TUSC3: variants seen among roughly 807,000 people sequenced by gnomAD.
TUSC3 encodes dolichyl-diphosphooligosaccharide--protein glycosyltransferase subunit TUSC3.
Under a neutral mutation model 44.8 loss-of-function variants are expected in TUSC3, and 45 were observed. The ratio of observed to expected loss-of-function variants is 1.00; its 90% CI spans 0.79 to 1.29. The LOEUF is 1.29. TUSC3 is among the 50% of genes most tolerant of loss of function. TUSC3 has a pLI of 0.00. For synonymous variants in TUSC3, 212 were observed against 152.9 expected (o/e 1.39, Z -2.85); for missense variants, 519 against 437.9 (o/e 1.19, Z -1.65).
chr8:15,461,970 G>T (rs755559668), intron 1 of TUSC3, among the ~76,000 whole-genome samples: 1 of 151,928 alleles, frequency 6.6e-6, no homozygotes, highest in African/African-American at 2.4e-5. Context: ...AAGTGCTTCT[G>T]GTGATGGAAC....
At position 15,702,165 on chromosome 8, in the gene TUSC3, T is replaced by C. The variant is rs375776499; in HGVS notation, c.798+28329T>C. ...ATGGGGCTTCCTTTTGTAGACTCTTTTTGTTTACTCTGGCATTTACTCTTA... is the reference window on the plus strand; with the variant it reads ...ATGGGGCTTCCTTTTGTAGACTCTTCTTGTTTACTCTGGCATTTACTCTTA... On this transcript the variant is annotated intron_variant, in intron 6 of 10. Transcript: ENST00000503731. Among the ~76,000 whole-genome samples the C allele has an allele frequency of 4.6e-5, 7 of 152,298 alleles. No homozygotes were observed. The East Asian group carries it at 1.2e-3, about 25-fold the overall frequency.
chr8:15,463,219 C>T (rs915204967), intron 1 of TUSC3, among the ~76,000 whole-genome samples: 21 of 152,148 alleles, frequency 1.4e-4, no homozygotes, highest in African/African-American at 5.1e-4. Context: ...TGATTTACTA[C>T]AAATTACTTA....
chr8:15,711,482 G>A (rs1809849582), intron 6 of TUSC3, among the ~76,000 whole-genome samples: 1 of 150,156 alleles, frequency 6.7e-6, no homozygotes, highest in Non-Finnish European at 1.5e-5. Context: ...GTGTGTGTGT[G>A]TGTGTGTGTG....
chr8:15,701,919 T>A lies in TUSC3; in HGVS notation c.798+28083T>A, dbSNP rs1809423567. 2.6e-5 allele frequency among the ~76,000 whole-genome samples: 4 copies of A among 152,172 alleles called. No homozygotes were observed. In the South Asian group the frequency reaches 8.3e-4, roughly 32 times the overall value. ...AGTAGGTTATTTTTTTGGTTTACAG[T>A]CTTATCCTTTGCCAGGCAAAGATTT... On this transcript the variant is annotated intron_variant, in intron 6 of 10. Coordinates refer to ENST00000503731, the MANE Select transcript of TUSC3 (RefSeq NM_006765.4).
rs191244645 is a variant in TUSC3 at position 15,551,523 on chromosome 8, G to A, written c.138+10955G>A. On this transcript the variant is annotated intron_variant, in intron 1 of 10. Coordinates refer to ENST00000503731, the MANE Select transcript of TUSC3 (RefSeq NM_006765.4). The stretch of plus-strand genomic sequence containing the variant: ...CTGAGCTGTGTAAGTTCTTTTATTT[G>A]ACTGTCAAATAGCAATTAAATTTAC... 3.3e-5 allele frequency among the ~76,000 whole-genome samples: 5 copies of A among 151,644 alleles called. 1 individual carries two copies. The East Asian group carries it at 9.8e-4, about 30-fold the overall frequency.
At chr8:15,492,580 A>G (rs189895792) in intron 2 of TUSC3, among the ~76,000 whole-genome samples, 109 of 152,220 alleles carry the variant, frequency 7.2e-4, no homozygotes, top group African/African-American at 2.4e-3. Context: ...ACTGGATGAC[A>G]TGGGAGATTT....
At chr8:15,594,555 A>G (rs935334899) in intron 1 of TUSC3, among the ~76,000 whole-genome samples, 2 of 152,040 alleles carry the variant, frequency 1.3e-5, no homozygotes, top group African/African-American at 4.8e-5. Context: ...TTGATCCTTT[A>G]AGTTCTTGAT....
the TUSC3 span, among the ~76,000 whole-genome samples, chr8:15,843,698 A>G: frequency 6.6e-6 from 1 of 151,688 alleles, no homozygotes; most frequent in East Asian, 1.9e-4. Flanking sequence ...GTATATCTAT[A>G]TCTAAATATA....
rs192798488 is a variant in TUSC3, at chr8:15,570,494, G to A, written c.138+29926G>A. Among the ~76,000 whole-genome samples the A allele has an allele frequency of 2.6e-3, 398 of 151,984 alleles. 3 individuals are homozygous for A. The highest frequency in any genetic ancestry group is 8.5e-3 in the African/African-American group (350 of 41,346). On this transcript the variant is annotated intron_variant, in intron 1 of 10. Coordinates refer to ENST00000503731, the MANE Select transcript of TUSC3 (RefSeq NM_006765.4). ...TGTGAATCAAAAGAGCTTGGAAGAA[G>A]AAATTGGAAATGACTTTAAAAACAT...
chr8:15,673,527 A>T (rs1197741696), intron 5 of TUSC3, among the ~76,000 whole-genome samples: 2 of 152,054 alleles, frequency 1.3e-5, no homozygotes, highest in African/African-American at 4.8e-5. Flanking sequence ...ATATTTCTTT[A>T]ACAGAGCTGG....
At position 15,678,176 on chromosome 8, in the gene TUSC3, G is replaced by A. The variant is rs114276062; in HGVS notation, c.798+4340G>A. Among the ~76,000 whole-genome samples, 610 of 152,192 alleles carry A rather than the reference G, an allele frequency of 4.0e-3. 4 individuals carry two copies. The highest frequency in any genetic ancestry group is 0.014 in the African/African-American group (581 of 41,518). On this transcript the variant is annotated intron_variant, in intron 6 of 10. Transcript: ENST00000503731. ...GGTAAGGGAGCTGAGGTATATATAC[G>A]CCAGATCTCATCAGCCATTTGCTGA...
chr8:15,651,656 A>G lies in TUSC3; in HGVS notation c.426+842A>G, dbSNP rs117205435. Among the ~76,000 whole-genome samples the G allele has an allele frequency of 4.8e-3, 736 of 152,150 alleles. 19 individuals are homozygous for G. In the East Asian group the frequency reaches 0.07, roughly 14 times the overall value. On this transcript the variant is annotated intron_variant, in intron 3 of 10. Coordinates refer to ENST00000503731, the MANE Select transcript of TUSC3 (RefSeq NM_006765.4). ...GGAAGAGGAGCCTCACCCGAAACCA[A>G]CTCTGCCGGCACCTTCCTCTTGGAC...
At chr8:15,569,362 A>G (rs1802786266) in intron 1 of TUSC3, among the ~76,000 whole-genome samples, 2 of 152,170 alleles carry the variant, frequency 1.3e-5, no homozygotes, top group South Asian at 4.1e-4. Context: ...ATAAATATAG[A>G]TGAATTGAGG....
intron 2 of TUSC3, among the ~76,000 whole-genome samples, chr8:15,494,139 T>C (rs1415314345): frequency 2.0e-5 from 3 of 152,176 alleles, no homozygotes; most frequent in Admixed American, 6.5e-5. Flanking sequence ...CAGTCTTTAT[T>C]TGGCTGTTTC....
At chr8:15,704,684 T>C (rs551699960) in intron 6 of TUSC3, among the ~76,000 whole-genome samples, 1 of 152,210 alleles carries the variant, frequency 6.6e-6, no homozygotes, top group South Asian at 2.1e-4. Flanking sequence ...TGCCCCTGTG[T>C]CTGTCTGTAC....
chr8:15,652,559 T>G (rs1341532704), intron 3 of TUSC3, among the ~76,000 whole-genome samples: 1 of 152,066 alleles, frequency 6.6e-6, no homozygotes, highest in East Asian at 1.9e-4. Flanking sequence ...AGCTTACAGA[T>G]TAGGGAGCTA....
At chr8:15,509,412 C>T (rs1213066319) in intron 2 of TUSC3, among the ~76,000 whole-genome samples, 2 of 152,140 alleles carry the variant, frequency 1.3e-5, no homozygotes, top group South Asian at 2.1e-4. Flanking sequence ...TGTTCGAAAC[C>T]AGCCTGGCCA....
intron 6 of TUSC3, among the ~76,000 whole-genome samples, chr8:15,720,990 T>C (rs542377514): frequency 6.6e-6 from 1 of 152,246 alleles, no homozygotes; most frequent in East Asian, 1.9e-4. Flanking sequence ...AAGAGTATTA[T>C]GGACATTCGT....
intron 2 of TUSC3, among the ~76,000 whole-genome samples, chr8:15,530,883 T>C (rs574784977): frequency 1.3e-5 from 2 of 152,314 alleles, no homozygotes; most frequent in East Asian, 3.9e-4. Context: ...CTCCTGACCG[T>C]AAACTCAGTC....
Sources: gnomAD v4.1 joint callset for allele counts (sites outside exome capture counted in the v4.1 genomes callset) on GRCh38, gnomAD v4.1.1 for gene constraint, MANE v1.5 for transcripts, NCBI Gene and HGNC (gene_info 2026-07-23, HGNC 2026-07-21) for gene names.